Variants in EML6 observed in about 807,000 individuals in gnomAD.
The protein encoded by EML6 is echinoderm microtubule-associated protein-like 6.
In EML6, 154 loss-of-function variants were observed where a neutral mutation model predicts 240.1. The observed-to-expected ratio is 0.64, with a 90% CI of 0.56 to 0.73. The LOEUF is 0.73. Among genes scored for constraint, EML6 ranks in the 30% least tolerant of loss-of-function variants. The pLI is 0.00. For missense variants in EML6, 2,964 were observed against 2,474.6 expected (o/e 1.20, Z -4.20); for synonymous variants, 1,148 against 899.0 (o/e 1.28, Z -4.95).
At chr2:54,809,218 A>C (rs1315833073) in intron 2 of EML6, among the ~76,000 whole-genome samples, 5 of 152,244 alleles carry the variant, frequency 3.3e-5, no homozygotes, top group African/African-American at 7.2e-5. Flanking sequence ...AGAAAAGCAA[A>C]GAATTAAATA....
intron 2 of EML6, among the ~76,000 whole-genome samples, chr2:54,780,013 G>C (rs1328635245): frequency 2.0e-5 from 3 of 152,040 alleles, no homozygotes; most frequent in Admixed American, 6.6e-5. Flanking sequence ...ATAATACAGA[G>C]TTAGGAGGTG....
chr2:54,900,709 G>T (rs1673010518), intron 22 of EML6, among the ~76,000 whole-genome samples: 1 of 152,134 alleles, frequency 6.6e-6, no homozygotes. Flanking sequence ...CTCCCCGTTG[G>T]CCAAAGTCAA....
intron 32 of EML6, among the ~76,000 whole-genome samples, chr2:54,956,705 A>G (rs1676250854): frequency 6.6e-6 from 1 of 152,200 alleles, no homozygotes; most frequent in African/African-American, 2.4e-5. Context: ...CAGCTACATC[A>G]AAACCCACCA....
chr2:54,861,272 A>G (rs963232581), intron 12 of EML6, among the ~76,000 whole-genome samples: 3 of 152,208 alleles, frequency 2.0e-5, no homozygotes, highest in East Asian at 1.9e-4. Flanking sequence ...CACACCTTCT[A>G]TAGCTCCCAC....
intron 22 of EML6, among the ~76,000 whole-genome samples, chr2:54,902,478 C>T (rs1673109563): frequency 6.6e-6 from 1 of 152,194 alleles, no homozygotes; most frequent in African/African-American, 2.4e-5. Flanking sequence ...CTGCTCACTG[C>T]ACCCTCCACC....
At chr2:54,924,087 C>G (rs1357070580) in intron 26 of EML6, among the ~76,000 whole-genome samples, 1 of 152,150 alleles carries the variant, frequency 6.6e-6, no homozygotes, top group Non-Finnish European at 1.5e-5. Flanking sequence ...CATTTTTAGA[C>G]AAGTCTTTGT....
intron 2 of EML6, among the ~76,000 whole-genome samples, chr2:54,775,690 A>T (rs938349615): frequency 1.3e-5 from 2 of 152,128 alleles, no homozygotes; most frequent in Non-Finnish European, 2.9e-5. Flanking sequence ...TCCCCAGGAG[A>T]GTGCCTGGCT....
At position 54,726,198 on chromosome 2, in the gene EML6, T is replaced by G. The variant is rs915800588; in HGVS notation, c.197+940T>G. 3.9e-5 allele frequency among the ~76,000 whole-genome samples: 6 copies of G among 152,184 alleles called. No individual in the cohort carries two copies. In the East Asian group the frequency reaches 1.2e-3, roughly 29 times the overall value. On this transcript the variant is annotated intron_variant, in intron 2 of 41. Transcript: ENST00000356458. ...TGGGAGCCTCAGCCCACAGGGAAAA[T>G]GACTTGCTGAGGATGGACTACAACT...
chr2:54,919,250 C>CT (rs570645181), intron 26 of EML6, among the ~76,000 whole-genome samples: 1 of 145,708 alleles, frequency 6.9e-6, no homozygotes, highest in South Asian at 2.3e-4. Flanking sequence ...CTTCCCCCCC[C>CT]CCCCAATCCT....
At chr2:54,969,963 T>C in intron 41 of EML6, 108 bp from the exon 42 acceptor site, 1 of 1,145,320 alleles carries the variant, frequency 8.7e-7, no homozygotes, top group Admixed American at 2.0e-5. Context: ...AAATGTTCAA[T>C]ACATCACCCG....
chr2:54,933,940 C>G (rs559714708), intron 28 of EML6, among the ~76,000 whole-genome samples: 4 of 152,156 alleles, frequency 2.6e-5, no homozygotes, highest in South Asian at 2.1e-4. Flanking sequence ...ACCACCCTAA[C>G]TTGCCAAATA....
At chr2:54,879,681 A>G in intron 17 of EML6, 41 bp downstream of exon 17, 2 of 1,152,954 alleles carry the variant, frequency 1.7e-6, no homozygotes, top group Middle Eastern at 1.9e-4. Context: ...TGCTGATACC[A>G]CGGTTCAGTA....
At chr2:54,926,707 A>T (rs553240185) in intron 26 of EML6, among the ~76,000 whole-genome samples, 1 of 152,320 alleles carries the variant, frequency 6.6e-6, no homozygotes, top group East Asian at 1.9e-4. Context: ...TATTCTGAGA[A>T]TCTTGAATCA....
At chr2:54,791,497 C>T (rs760207329) in intron 2 of EML6, among the ~76,000 whole-genome samples, 9 of 152,182 alleles carry the variant, frequency 5.9e-5, no homozygotes, top group African/African-American at 9.7e-5. Context: ...TTGGAGTTCA[C>T]CAGCAATGTA....
At chr2:54,966,969 T>A (rs775880782) in intron 38 of EML6, 31 bp from the exon 39 acceptor site, 1 of 1,428,598 alleles carries the variant, frequency 7.0e-7, no homozygotes, top group South Asian at 1.2e-5. Flanking sequence ...AGAAAGAACG[T>A]TGATGAACAT....
chr2:54,765,798 T>C (rs1278635377), intron 2 of EML6, among the ~76,000 whole-genome samples: 2 of 152,024 alleles, frequency 1.3e-5, no homozygotes, highest in Non-Finnish European at 2.9e-5. Context: ...ATAAAATAGG[T>C]ACTTAATAAA....
intron 28 of EML6, among the ~76,000 whole-genome samples, chr2:54,935,956 G>A (rs182582266): frequency 4.1e-4 from 62 of 152,292 alleles, no homozygotes; most frequent in Non-Finnish European, 8.2e-4. Flanking sequence ...CTTGAGGCCA[G>A]GAGTTCAAGG....
rs1397798986 is a variant in EML6 at position 54,762,227 on chromosome 2, A to AG, written c.197+36970dup. On this transcript the variant is annotated intron_variant, in intron 2 of 41. Transcript: ENST00000356458. ...CAGTTCTTTTACTGAATGTCCCTCAAGTTGGGTTTATCTGATGTTTCCTCA... is the reference window on the plus strand; with the variant it reads ...CAGTTCTTTTACTGAATGTCCCTCAAGGTTGGGTTTATCTGATGTTTCCTCA... 9.7e-4 allele frequency among the ~76,000 whole-genome samples: 147 copies of AG among 152,204 alleles called. 2 individuals are homozygous for AG. The East Asian group carries it at 0.023, about 24-fold the overall frequency.
chr2:54,797,938 A>G (rs531567662), intron 2 of EML6, among the ~76,000 whole-genome samples: 1 of 152,164 alleles, frequency 6.6e-6, no homozygotes, highest in African/African-American at 2.4e-5. Flanking sequence ...CTCTAAGTTC[A>G]TTGTTTTTCA....
Sources: allele counts gnomAD v4.1 joint callset (sites outside exome capture counted in the v4.1 genomes callset), GRCh38; gene constraint gnomAD v4.1.1; transcripts MANE v1.5; gene names NCBI Gene and HGNC (gene_info 2026-07-23, HGNC 2026-07-21).